Variants in NECAB3 observed in about 807,000 individuals in gnomAD.
NECAB3 encodes the protein N-terminal EF-hand calcium-binding protein 3.
A neutral mutation model predicts 57.2 loss-of-function variants in NECAB3; 38 were observed. That is an observed-to-expected ratio of 0.66 (90% CI 0.51 to 0.87). The LOEUF (loss-of-function observed/expected upper bound fraction) is 0.87, where lower values mean the gene tolerates loss of function less well. Ranked by LOEUF, NECAB3 falls within the 40% of genes least tolerant of loss-of-function variation. The pLI, the probability that NECAB3 is intolerant of heterozygous loss-of-function variation, is 0.00. For missense variants in NECAB3, 474 were observed against 527.5 expected, an observed-to-expected ratio of 0.90 and a Z score of 0.99; for synonymous variants, 223 against 222.6, an observed-to-expected ratio of 1.00 and a Z score of -0.02.
Position 33,660,185 on chromosome 20 carries a change from C to A in NECAB3, c.524+74G>T. 1 of 1,574,220 alleles carries A rather than the reference C, an allele frequency of 6.4e-7. No homozygotes were observed. Among genetic ancestry groups the A allele is most frequent in the South Asian group, 1.1e-5 (1 of 88,104 alleles). ...AAATGCAGGCTCCAGGATGCTGGGA[C>A]TGTGGGGATTTGGAATGGGGGTACA... On this transcript the variant is annotated intron_variant, in intron 6 of 11. Transcript: ENST00000246190. This position sits in a 1 kb window ranked among gnomAD's most constrained non-coding sequence, Gnocchi z 4.1.
intron 5 of NECAB3, chr20:33,663,728 A>C (rs1262517791): frequency 6.5e-7 from 1 of 1,534,712 alleles, no homozygotes; most frequent in South Asian, 1.2e-5. Flanking sequence ...CGGCGGCCGG[A>C]AGAGGGCGGG....
Position 33,658,046 on chromosome 20 carries a change from A to T in NECAB3, c.1071-13T>A. On this transcript the variant is annotated splice_polypyrimidine_tract_variant and intron_variant, in intron 10 of 11. Transcript: ENST00000246190. ...CGACTGCTGGTGCCTGCAGAGACCC[A>T]GGCTACAGTGACCTCGCTCTCCCCA... The T allele has an allele frequency of 1.3e-6, 2 of 1,549,612 alleles. No individual in the cohort carries two copies. The highest frequency in any genetic ancestry group is 1.7e-6 in the Non-Finnish European group (2 of 1,146,494).
chr20:33,663,929 G>A (rs2017577267), intron 5 of NECAB3: 4 of 1,319,840 alleles, frequency 3.0e-6, no homozygotes, highest in Non-Finnish European at 3.9e-6. Flanking sequence ...TGCGAACCCT[G>A]TCGGAGGCGT....
At chr20:33,671,143 T>C (rs1035330580) in intron 2 of NECAB3, among the ~76,000 whole-genome samples, 1 of 152,194 alleles carries the variant, frequency 6.6e-6, no homozygotes, top group African/African-American at 2.4e-5. Context: ...CTGGAAGGAC[T>C]TGGGGACCAG....
At chr20:33,663,899 T>A (rs1015234902) in intron 5 of NECAB3, 2 of 1,368,336 alleles carry the variant, frequency 1.5e-6, no homozygotes, top group African/African-American at 1.5e-5. Context: ...CAATAAAGAG[T>A]GCGTGGCAAC....
upstream of NECAB3, chr20:33,674,530 C>G (rs912809160): frequency 6.3e-5 from 31 of 489,890 alleles, no homozygotes; most frequent in Non-Finnish European, 8.3e-5. Flanking sequence ...ACTCCAGCGC[C>G]GCGGGCCTCC....
In NECAB3 at chr20:33,659,674, G is replaced by C; in HGVS notation, c.702C>G (p.Leu234=). The change falls in exon 8 of 12, where the codon CTC becomes CTG. Residue 234 remains leucine (L), a synonymous_variant. Transcript: ENST00000246190. ...TCACCTTGCACTCGAGCTGGTCGAT[G>C]AGCTCCTGGAGGCGGTTCACCTGGA... is the stretch of plus-strand genomic sequence containing the variant. ...WRLQVNRLQE[L]IDQLECKVRA... 6.2e-7 allele frequency: 1 copy of C among 1,610,182 alleles called. No homozygotes were observed. The highest frequency in any genetic ancestry group is 8.5e-7 in the Non-Finnish European group (1 of 1,179,428).
intron 5 of NECAB3, chr20:33,663,630 G>C: frequency 1.2e-6 from 2 of 1,608,500 alleles, no homozygotes; most frequent in Non-Finnish European, 1.7e-6. Flanking sequence ...TGGGCTCCCC[G>C]GCGGCACCCA....
At chr20:33,669,993 G>A (rs1303395353) in intron 3 of NECAB3, among the ~76,000 whole-genome samples, 1 of 152,236 alleles carries the variant, frequency 6.6e-6, no homozygotes, top group Non-Finnish European at 1.5e-5. Context: ...ACAGGCCAGT[G>A]AGAAGTGGTC....
chr20:33,670,504 A>AGATCTCG, intron 3 of NECAB3, 180 bp downstream of exon 3: 1 of 495,040 alleles, frequency 2.0e-6, no homozygotes, highest in Non-Finnish European at 3.6e-6. Context: ...GAAGCAGTGT[A>AGATCTCG]GTGGGCAAGG....
In NECAB3 at chr20:33,658,544, G is replaced by C; in HGVS notation, c.1003C>G (p.Gln335Glu). The C allele has an allele frequency of 6.2e-7, 1 of 1,614,054 alleles. No homozygotes were observed. Among genetic ancestry groups the C allele is most frequent in the Non-Finnish European group, 8.5e-7 (1 of 1,179,986 alleles). The change falls in exon 10 of 12, where the codon CAG (glutamine) becomes GAG (glutamate). Residue 335 changes from glutamine to glutamate, a missense_variant. By Grantham distance (29) the Gln-to-Glu change is conservative. Coordinates refer to ENST00000246190, the MANE Select transcript of NECAB3 (RefSeq NM_031232.4). ...AAGGAGGCACCGTCCAGCATCTTCTGGGCGGACACACTGTAGGGCCAAAGA... is the reference window on the plus strand; with the variant it reads ...AAGGAGGCACCGTCCAGCATCTTCTCGGCGGACACACTGTAGGGCCAAAGA... ...AQSHCLHVSA[Q>E]KMLDGASFTL...
At chr20:33,668,222 A>C in intron 5 of NECAB3, 1 of 1,593,946 alleles carries the variant, frequency 6.3e-7, no homozygotes, top group Non-Finnish European at 8.6e-7. Flanking sequence ...CTGCTGTACG[A>C]TGTGTTCAAC....
At chr20:33,673,422 G>A (rs990731525) in intron 1 of NECAB3, among the ~76,000 whole-genome samples, 3 of 152,170 alleles carry the variant, frequency 2.0e-5, no homozygotes, top group African/African-American at 7.2e-5. Flanking sequence ...GGGAGGCCCA[G>A]GTAGGGTAGA....
rs2122456406 is a variant in NECAB3 at position 33,659,566 on chromosome 20, G to A, written c.810C>T (p.His270=). ...GCCGGGGGGCCTGTGAGGGCACAGA[G>A]TGTGGGCCGGGCCTCCAGCATGGGC... The part of the protein sequence containing the change: ...EPGPCWRPGP[H]SVPSQAPRLE... Residue 270 remains histidine (H), a synonymous_variant, in exon 8 of 12, where the codon CAC becomes CAT. Transcript: ENST00000246190. 6.3e-7 allele frequency: 1 copy of A among 1,587,548 alleles called. No individual in the cohort carries two copies. Among genetic ancestry groups the A allele is most frequent in the East Asian group, 2.3e-5 (1 of 43,764 alleles).
rs557330698 is a variant in NECAB3 at position 33,672,382 on chromosome 20, G to C, written c.154+16C>G. 6.2e-7 allele frequency: 1 copy of C among 1,614,020 alleles called. No individual in the cohort carries two copies. Among genetic ancestry groups the C allele is most frequent in the African/African-American group, 1.3e-5 (1 of 74,932 alleles). On this transcript the variant is annotated intron_variant, in intron 2 of 11. Coordinates refer to ENST00000246190, the MANE Select transcript of NECAB3 (RefSeq NM_031232.4). ...CACCCTGCCCCACTGTGGGACCCAG[G>C]GGAAGCCACACTCACCATTCTTGTC...
At chr20:33,669,157 TCA>T (rs2017770196) in intron 5 of NECAB3, 3 of 564,406 alleles carry the variant, frequency 5.3e-6, no homozygotes, top group South Asian at 2.2e-5. Context: ...TTCTCACTGG[TCA>T]CAGTGATGTA....
chr20:33,669,186 T>C (rs1325259105), intron 5 of NECAB3, 189 bp downstream of exon 5: 7 of 597,976 alleles, frequency 1.2e-5, no homozygotes, highest in South Asian at 2.0e-5. Context: ...GCAGCTCTAT[T>C]GTTATGATGG....
At chr20:33,670,012 G>A (rs995700735) in intron 3 of NECAB3, among the ~76,000 whole-genome samples, 6 of 152,220 alleles carry the variant, frequency 3.9e-5, no homozygotes, top group Non-Finnish European at 8.8e-5. Context: ...TCAGAGCTGC[G>A]AAGGGGAAGC....
chr20:33,662,054 C>T (rs2017491956), intron 5 of NECAB3: 2 of 308,682 alleles, frequency 6.5e-6, no homozygotes, highest in South Asian at 9.4e-5. Context: ...GGTCACATAG[C>T]AAGTTAGTAG....
Sources: allele counts gnomAD v4.1 joint callset (sites outside exome capture counted in the v4.1 genomes callset), GRCh38; gene constraint gnomAD v4.1.1; non-coding constraint Gnocchi (gnomAD v3.1); transcripts MANE v1.5; gene names NCBI Gene and HGNC (gene_info 2026-07-23, HGNC 2026-07-21).